The following DPP6 variants were observed in gnomAD, a reference collection of about 807,000 sequenced individuals.
The protein encoded by DPP6 is dipeptidyl peptidase like 6, also known as A-type potassium channel modulatory protein DPP6.
DPP6 carries 69 observed loss-of-function variants against 122.6 expected under a neutral mutation model. The observed-to-expected ratio is 0.56, with a 90% CI of 0.46 to 0.69. The LOEUF (loss-of-function observed/expected upper bound fraction) is 0.69. DPP6 is among the 30% of genes least tolerant of loss of function. DPP6 has a pLI of 0.00. For missense variants in DPP6, 928 were observed against 1,116.9 expected, an observed-to-expected ratio of 0.83 and a Z score of 2.41; for synonymous variants, 418 against 433.1, an observed-to-expected ratio of 0.97 and a Z score of 0.43.
chr7:154,013,798 G>C (rs3899133), intron 1 of DPP6, among the ~76,000 whole-genome samples: 16,173 of 151,958 alleles, frequency 0.11, 963 homozygotes, highest in East Asian at 0.19. Flanking sequence ...TTCACTAGGA[G>C]TGTACAAGGG....
intron 3 of DPP6, among the ~76,000 whole-genome samples, chr7:154,500,916 G>T (rs962732172): frequency 6.6e-6 from 1 of 152,186 alleles, no homozygotes; most frequent in Admixed American, 6.5e-5. Context: ...CTAGAGACTT[G>T]TTGAATGTTG....
intron 5 of DPP6, among the ~76,000 whole-genome samples, chr7:154,613,725 G>A (rs753356448): frequency 2.1e-4 from 32 of 148,886 alleles, no homozygotes; most frequent in Non-Finnish European, 1.5e-4. Flanking sequence ...AGCTTTGTCT[G>A]CAACCCTACA....
intron 1 of DPP6, among the ~76,000 whole-genome samples, chr7:153,937,622 A>G (rs1801517498): frequency 6.6e-6 from 1 of 151,724 alleles, no homozygotes; most frequent in Non-Finnish European, 1.5e-5. Context: ...TAATTTTTGT[A>G]TTTTTAATAG....
At chr7:154,778,139 C>T (rs1036619184) in intron 10 of DPP6, among the ~76,000 whole-genome samples, 3 of 152,122 alleles carry the variant, frequency 2.0e-5, no homozygotes, top group Non-Finnish European at 2.9e-5. Context: ...TGGGTATGTG[C>T]GCGCTTACTT....
intron 1 of DPP6, among the ~76,000 whole-genome samples, chr7:154,140,273 A>G (rs1228284485): frequency 4.6e-5 from 7 of 152,214 alleles, no homozygotes; most frequent in African/African-American, 1.7e-4. Context: ...GTTTGCAAAC[A>G]CCAATCCACA....
chr7:154,788,551 G>A (rs764108195), intron 10 of DPP6, among the ~76,000 whole-genome samples: 3 of 152,038 alleles, frequency 2.0e-5, no homozygotes, highest in Non-Finnish European at 4.4e-5. Flanking sequence ...ACAGAAAGGA[G>A]GAGAAGCTTC....
chr7:154,216,309 ACCATAGGGCT>A (rs1209499394), intron 1 of DPP6, among the ~76,000 whole-genome samples: 1 of 152,220 alleles, frequency 6.6e-6, no homozygotes, highest in Non-Finnish European at 1.5e-5. Flanking sequence ...GACAGATCTT[ACCATAGGGCT>A]CCTACTAAAT....
At chr7:154,508,475 G>A (rs1825826361) in intron 3 of DPP6, among the ~76,000 whole-genome samples, 1 of 152,164 alleles carries the variant, frequency 6.6e-6, no homozygotes, top group African/African-American at 2.4e-5. Context: ...GGCTGTCACA[G>A]GAAGTTTTCA....
At chr7:153,818,738 G>T in the DPP6 span, among the ~76,000 whole-genome samples, 1 of 151,778 alleles carries the variant, frequency 6.6e-6, no homozygotes. Flanking sequence ...GTAGATTGAA[G>T]TGGGCAAGAT....
chr7:154,470,514 G>T lies in DPP6; in HGVS notation c.359-4425G>T, dbSNP rs1395608177. On this transcript the variant is annotated intron_variant, in intron 2 of 25. Coordinates refer to ENST00000377770, the MANE Select transcript of DPP6 (RefSeq NM_130797.4). Reference sequence around the variant, plus strand: ...TCCAGCAGCTATGCTCGGGTGATGGGATTTATTTCTAGTTTTCTGGTATTT... The same window carrying T: ...TCCAGCAGCTATGCTCGGGTGATGGTATTTATTTCTAGTTTTCTGGTATTT... Among the ~76,000 whole-genome samples, 3 of 152,300 alleles carry T rather than the reference G, an allele frequency of 2.0e-5. No individual in the cohort carries two copies. In the East Asian group the frequency reaches 5.8e-4, roughly 29 times the overall value.
intron 1 of DPP6, among the ~76,000 whole-genome samples, chr7:153,954,887 G>T (rs1168911630): frequency 6.6e-6 from 1 of 151,364 alleles, no homozygotes; most frequent in African/African-American, 2.4e-5. Flanking sequence ...TATCCTCTTG[G>T]TTCTGTTCTT....
At chr7:154,800,717 G>A (rs1319883050) in intron 12 of DPP6, among the ~76,000 whole-genome samples, 1 of 152,226 alleles carries the variant, frequency 6.6e-6, no homozygotes, top group Non-Finnish European at 1.5e-5. Context: ...GCCCGAGGTG[G>A]AGCGTGTCCC....
intron 5 of DPP6, among the ~76,000 whole-genome samples, chr7:154,630,801 G>T (rs555564159): frequency 6.6e-6 from 1 of 152,086 alleles, no homozygotes; most frequent in African/African-American, 2.4e-5. Flanking sequence ...GGAGGCAAGG[G>T]GAGGGAGAGC....
rs1024028441 is a variant in DPP6, at chr7:154,863,155, G to A, written c.1715-4840G>A. Among the ~76,000 whole-genome samples, 9 of 152,046 alleles carry A rather than the reference G, an allele frequency of 5.9e-5. No homozygotes were observed. The highest frequency in any genetic ancestry group is 1.3e-4 in the Non-Finnish European group (9 of 68,000). ...GGACTCAAGTGATCCTCCTCCCTTG[G>A]CCTCCCAAAGCATTGGGATTACAGA... On this transcript the variant is annotated intron_variant, in intron 17 of 25. Coordinates refer to ENST00000377770, the MANE Select transcript of DPP6 (RefSeq NM_130797.4). This position sits in a 1 kb window ranked among gnomAD's most constrained non-coding sequence, Gnocchi z 4.1.
At chr7:154,194,400 A>T (rs909751747) in intron 1 of DPP6, among the ~76,000 whole-genome samples, 1 of 152,216 alleles carries the variant, frequency 6.6e-6, no homozygotes, top group African/African-American at 2.4e-5. Flanking sequence ...AATGGCATAC[A>T]ACAAATTGCA....
chr7:154,673,881 C>CT (rs57963702), intron 7 of DPP6, among the ~76,000 whole-genome samples: 1,653 of 143,672 alleles, frequency 0.012, 20 homozygotes, highest in African/African-American at 0.031. Flanking sequence ...ATGTTTCTTT[C>CT]TTTTTTTTTT....
chr7:153,910,238 T>TTTC (rs1397756529), intron 1 of DPP6, among the ~76,000 whole-genome samples: 1 of 148,674 alleles, frequency 6.7e-6, no homozygotes, highest in African/African-American at 2.5e-5. Flanking sequence ...TTCTTTCTTT[T>TTTC]TTTTTTTTTG....
chr7:153,991,032 G>A (rs1368875194), intron 1 of DPP6, among the ~76,000 whole-genome samples: 3 of 152,224 alleles, frequency 2.0e-5, no homozygotes, highest in Non-Finnish European at 2.9e-5. Flanking sequence ...AGAGGATAAA[G>A]GGGTCCCTAG....
At chr7:154,002,396 C>A (rs1314136434) in intron 1 of DPP6, among the ~76,000 whole-genome samples, 3 of 152,230 alleles carry the variant, frequency 2.0e-5, no homozygotes, top group African/African-American at 7.2e-5. Context: ...CCAGAAAGGT[C>A]TTCATTGCTC....
Sources: gnomAD v4.1 joint callset for allele counts (sites outside exome capture counted in the v4.1 genomes callset) on GRCh38, gnomAD v4.1.1 for gene constraint, Gnocchi (gnomAD v3.1) non-coding constraint, MANE v1.5 for transcripts, NCBI Gene and HGNC (gene_info 2026-07-23, HGNC 2026-07-21) for gene names.